Variants in KCNK2 observed in about 807,000 individuals in gnomAD.
KCNK2 encodes potassium channel subfamily K member 2.
A neutral mutation model predicts 40.5 loss-of-function variants in KCNK2; 21 were observed. The ratio of observed to expected loss-of-function variants is 0.52; its 90% CI spans 0.37 to 0.75. The LOEUF is 0.75. KCNK2 is among the 30% of genes least tolerant of loss of function. KCNK2 has a pLI of 0.00. For missense variants in KCNK2, 399 were observed against 531.6 expected (o/e 0.75, Z 2.45); for synonymous variants, 191 against 202.2 (o/e 0.94, Z 0.47).
chr1:215,082,603 A>T (rs541916559), upstream of KCNK2, among the ~76,000 whole-genome samples: 1 of 151,962 alleles, frequency 6.6e-6, no homozygotes, highest in East Asian at 2.0e-4. Flanking sequence ...GAGGGAAGAG[A>T]GGATCTTTAG....
At chr1:215,170,929 T>C (rs1013875873) in intron 4 of KCNK2, among the ~76,000 whole-genome samples, 1 of 152,160 alleles carries the variant, frequency 6.6e-6, no homozygotes, top group Non-Finnish European at 1.5e-5. Context: ...CCAGTAATCA[T>C]GGTTCAGTGT....
intron 3 of KCNK2, among the ~76,000 whole-genome samples, chr1:215,137,460 C>T (rs1661981452): frequency 1.3e-5 from 2 of 152,188 alleles, no homozygotes; most frequent in South Asian, 4.1e-4. Context: ...CAGCAGAGAC[C>T]GTATGGCCTC....
chr1:215,206,980 T>G (rs2102679812), intron 6 of KCNK2, among the ~76,000 whole-genome samples: 1 of 152,328 alleles, frequency 6.6e-6, no homozygotes, highest in South Asian at 2.1e-4. Context: ...GCCATTTCAC[T>G]TCTCAATACT....
chr1:215,224,029 A>T, intron 6 of KCNK2, among the ~76,000 whole-genome samples: 1 of 152,222 alleles, frequency 6.6e-6, no homozygotes, highest in East Asian at 1.9e-4. Context: ...AATTTTGTTT[A>T]GAATTAGTCT....
intron 1 of KCNK2, among the ~76,000 whole-genome samples, chr1:215,034,083 T>G (rs868588549): frequency 4.0e-4 from 61 of 152,294 alleles, no homozygotes; most frequent in Middle Eastern, 3.4e-3. Flanking sequence ...TTCTCTCCAA[T>G]TTAGGGGGAA....
At chr1:215,034,688 GT>G (rs369569927) in intron 1 of KCNK2, among the ~76,000 whole-genome samples, 7 of 152,146 alleles carry the variant, frequency 4.6e-5, no homozygotes, top group African/African-American at 1.7e-4. Context: ...TGATGCCTTT[GT>G]TGAAACCAGT....
intron 5 of KCNK2, among the ~76,000 whole-genome samples, chr1:215,177,740 A>ATATATATATATATATATATATTT (rs71167812): frequency 9.8e-6 from 1 of 101,600 alleles, no homozygotes; most frequent in East Asian, 2.8e-4. Context: ...ATATATATAT[A>ATATATATATATATATATATATTT]TTTTTTTTTT....
intron 1 of KCNK2, among the ~76,000 whole-genome samples, chr1:215,056,106 C>T (rs973125510): frequency 3.3e-5 from 5 of 152,002 alleles, no homozygotes; most frequent in East Asian, 1.9e-4. Flanking sequence ...GTCAGGAATT[C>T]GAGACCAGCC....
rs148812801 is a variant in KCNK2, at chr1:215,197,353, C to A, written c.963+2261C>A. ...TGGAAGCTAGAAGTCCAAGAAGGTGCTAGCAGGGTTGGTTTCTGGTGAGGC... is the reference window on the plus strand; with the variant it reads ...TGGAAGCTAGAAGTCCAAGAAGGTGATAGCAGGGTTGGTTTCTGGTGAGGC... On this transcript the variant is annotated intron_variant, in intron 6 of 6. Coordinates refer to ENST00000444842, the MANE Select transcript of KCNK2 (RefSeq NM_001017425.3). Among the ~76,000 whole-genome samples the A allele has an allele frequency of 7.0e-3, 1,067 of 152,244 alleles. 4 individuals carry two copies. Among genetic ancestry groups the A allele is most frequent in the Admixed American group, 0.012 (178 of 15,282 alleles).
intron 2 of KCNK2, among the ~76,000 whole-genome samples, chr1:215,103,633 G>A (rs1018866127): frequency 6.6e-6 from 1 of 151,918 alleles, no homozygotes; most frequent in Non-Finnish European, 1.5e-5. Flanking sequence ...TTTCATGAGG[G>A]TAATTTAAAA....
At chr1:215,096,680 C>G (rs1444959458) in intron 2 of KCNK2, among the ~76,000 whole-genome samples, 2 of 151,866 alleles carry the variant, frequency 1.3e-5, no homozygotes, top group Non-Finnish European at 2.9e-5. Flanking sequence ...TGACATGGAC[C>G]ATTTTGAATT....
intron 5 of KCNK2, among the ~76,000 whole-genome samples, chr1:215,174,931 C>A (rs1272819801): frequency 6.6e-6 from 1 of 152,104 alleles, no homozygotes; most frequent in Non-Finnish European, 1.5e-5. Context: ...AATTTGACTT[C>A]CTCTTTTCCT....
At chr1:215,230,755 ATTCATCCCCCCACC>A (rs1222011079) in intron 6 of KCNK2, among the ~76,000 whole-genome samples, 1 of 151,616 alleles carries the variant, frequency 6.6e-6, no homozygotes, top group East Asian at 1.9e-4. Flanking sequence ...TGAGGCTCCC[ATTCATCCCCCCACC>A]TGTCCCACCC....
intron 6 of KCNK2, among the ~76,000 whole-genome samples, chr1:215,220,936 C>T (rs1242244406): frequency 2.0e-5 from 3 of 152,170 alleles, no homozygotes; most frequent in Non-Finnish European, 2.9e-5. Flanking sequence ...TATTACCACC[C>T]GGGTCATCAG....
rs976641687 is a variant in KCNK2 at position 215,205,248 on chromosome 1, AT to A, written c.963+10165del. Among the ~76,000 whole-genome samples, 7 of 151,634 alleles carry A rather than the reference AT, an allele frequency of 4.6e-5. No individual in the cohort carries two copies. In the East Asian group the frequency reaches 1.2e-3, roughly 25 times the overall value. On this transcript the variant is annotated intron_variant, in intron 6 of 6. Coordinates refer to ENST00000444842, the MANE Select transcript of KCNK2 (RefSeq NM_001017425.3). ...ATTCATATGAGTGAATGGGAAGAAGATTTTTTTTTGACAGAGTCTCACTCTG... is the reference window on the plus strand; with the variant it reads ...ATTCATATGAGTGAATGGGAAGAAGATTTTTTTTGACAGAGTCTCACTCTG...
chr1:215,169,643 C>CTTT (rs35265842), intron 4 of KCNK2, among the ~76,000 whole-genome samples: 1 of 146,074 alleles, frequency 6.8e-6, no homozygotes, highest in Non-Finnish European at 1.5e-5. Context: ...CTTTTTCTTT[C>CTTT]TTTTTTTTTT....
upstream of KCNK2, among the ~76,000 whole-genome samples, chr1:215,077,791 T>C (rs1366327421): frequency 2.0e-5 from 3 of 152,166 alleles, no homozygotes; most frequent in East Asian, 5.8e-4. Flanking sequence ...CTTTCCACCC[T>C]TGCTCATCTC....
intron 2 of KCNK2, among the ~76,000 whole-genome samples, chr1:215,090,954 G>A (rs184723073): frequency 6.6e-6 from 1 of 152,212 alleles, no homozygotes; most frequent in Admixed American, 6.5e-5. Flanking sequence ...TTACCTCAAT[G>A]GTGGGTGTTG....
At chr1:215,135,174 A>C (rs1163080088) in intron 3 of KCNK2, among the ~76,000 whole-genome samples, 1 of 152,042 alleles carries the variant, frequency 6.6e-6, no homozygotes, top group Non-Finnish European at 1.5e-5. Flanking sequence ...ATAACTCTAC[A>C]TTTTTTTAAA....
Sources: gnomAD v4.1 joint callset for allele counts (sites outside exome capture counted in the v4.1 genomes callset) on GRCh38, gnomAD v4.1.1 for gene constraint, MANE v1.5 for transcripts, NCBI Gene and HGNC (gene_info 2026-07-23, HGNC 2026-07-21) for gene names.